SENP6: variants seen among roughly 807,000 people sequenced by gnomAD.
SENP6 encodes sentrin-specific protease 6.
SENP6 carries 41 observed loss-of-function variants against 134.5 expected under a neutral mutation model. The observed-to-expected ratio is 0.30, with a 90% CI of 0.24 to 0.40. The LOEUF (loss-of-function observed/expected upper bound fraction) is 0.40. Among genes scored for constraint, SENP6 ranks in the 10% least tolerant of loss-of-function variants. SENP6 has a pLI of 1.00. For synonymous variants in SENP6, 395 were observed against 429.8 expected (o/e 0.92, Z 1.00); for missense variants, 1,248 against 1,312.5 (o/e 0.95, Z 0.76).
intron 7 of SENP6, chr6:75,654,875 T>C (rs1172205779): frequency 6.6e-6 from 1 of 152,224 alleles, no homozygotes; most frequent in East Asian, 1.9e-4. Context: ...ATGTGGTAGA[T>C]AGATATAATT....
At chr6:75,602,776 C>T (rs1165387115) in intron 1 of SENP6, among the ~76,000 whole-genome samples, 200 bp downstream of exon 1, 3 of 152,230 alleles carry the variant, frequency 2.0e-5, no homozygotes, top group South Asian at 2.1e-4. Context: ...GGCTGCGAGC[C>T]GGTTCGGCCC....
At position 75,666,955 on chromosome 6, in the gene SENP6, T is replaced by C; in HGVS notation, c.1224+14T>C. The C allele has an allele frequency of 4.5e-6, 7 of 1,555,580 alleles. No homozygotes were observed. The highest frequency in any genetic ancestry group is 6.2e-6 in the Non-Finnish European group (7 of 1,133,698). The stretch of plus-strand genomic sequence containing the variant: ...ATGAAAGACCAGGTACTTTTCACTT[T>C]TGTTGACATTTGTTCAGATTAATGC... On this transcript the variant is annotated intron_variant, in intron 10 of 23. Coordinates refer to ENST00000447266, the MANE Select transcript of SENP6 (RefSeq NM_015571.4).
chr6:75,654,744 A>C (rs916660442), intron 7 of SENP6, among the ~76,000 whole-genome samples: 1 of 152,216 alleles, frequency 6.6e-6, no homozygotes, highest in African/African-American at 2.4e-5. Flanking sequence ...TAGTAGTATC[A>C]CAACTAAAAT....
chr6:75,707,284 A>G (rs566797379), intron 19 of SENP6, among the ~76,000 whole-genome samples: 2 of 152,118 alleles, frequency 1.3e-5, no homozygotes, highest in East Asian at 1.9e-4. Flanking sequence ...TTAGCTTTAA[A>G]CAGACTTAAA....
intron 8 of SENP6, among the ~76,000 whole-genome samples, chr6:75,662,199 G>A (rs1771831763): frequency 6.6e-6 from 1 of 152,194 alleles, no homozygotes; most frequent in South Asian, 2.1e-4. Context: ...CTTGCAGATA[G>A]TATGTGATAT....
intron 8 of SENP6, among the ~76,000 whole-genome samples, 197 bp from the exon 9 acceptor site, chr6:75,663,024 T>C (rs563944132): frequency 3.9e-5 from 6 of 152,316 alleles, no homozygotes; most frequent in Admixed American, 3.9e-4. Context: ...GTAGCCATGA[T>C]GGTAATGATG....
chr6:75,666,338 A>T (rs1278482371), intron 9 of SENP6, among the ~76,000 whole-genome samples: 3 of 149,336 alleles, frequency 2.0e-5, no homozygotes, highest in African/African-American at 7.3e-5. Flanking sequence ...TATTTTGTGA[A>T]CAAGTTGTAT....
At chr6:75,612,873 G>A (rs986763791) in intron 1 of SENP6, among the ~76,000 whole-genome samples, 3 of 152,050 alleles carry the variant, frequency 2.0e-5, no homozygotes, top group Non-Finnish European at 4.4e-5. Flanking sequence ...TAGCACTTTG[G>A]GAGGCCAAAA....
chr6:75,645,380 C>A (rs903691617), intron 6 of SENP6, among the ~76,000 whole-genome samples: 6 of 152,280 alleles, frequency 3.9e-5, no homozygotes, highest in African/African-American at 7.2e-5. Flanking sequence ...CTTTGGGAGG[C>A]CGAGGCAGGC....
intron 9 of SENP6, among the ~76,000 whole-genome samples, chr6:75,664,740 A>G (rs1311398229): frequency 1.3e-5 from 2 of 152,212 alleles, no homozygotes; most frequent in African/African-American, 4.8e-5. Context: ...GGACATGTAC[A>G]TTACTCAGTA....
intron 16 of SENP6, among the ~76,000 whole-genome samples, chr6:75,693,431 A>C (rs927425472): frequency 1.4e-5 from 2 of 147,730 alleles, no homozygotes; most frequent in East Asian, 3.9e-4. Flanking sequence ...AAAAAAAAAC[A>C]CCAAAGTAGC....
intron 1 of SENP6, chr6:75,611,762 T>G (rs1456777784): frequency 6.6e-6 from 1 of 152,256 alleles, no homozygotes; most frequent in Non-Finnish European, 1.5e-5. Context: ...GTATCATTGC[T>G]AGACTTTTTC....
chr6:75,654,900 CTTGTT>C (rs1771191964), intron 7 of SENP6: 1 of 152,094 alleles, frequency 6.6e-6, no homozygotes, highest in African/African-American at 2.4e-5. Flanking sequence ...CTTTTCTGTT[CTTGTT>C]TTATGACATG....
chr6:75,633,740 A>T lies in SENP6; in HGVS notation c.353+14A>T. 6.3e-7 allele frequency: 1 copy of T among 1,586,784 alleles called. No homozygotes were observed. On this transcript the variant is annotated intron_variant, in intron 4 of 23. Transcript: ENST00000447266. Reference sequence around the variant, plus strand: ...TAAGAAATTGAGGTATAGGCACTTCACCACACATTCCTACAGAAAAGATAA... The same window carrying T: ...TAAGAAATTGAGGTATAGGCACTTCTCCACACATTCCTACAGAAAAGATAA...
intron 8 of SENP6, among the ~76,000 whole-genome samples, chr6:75,660,175 T>C (rs749402500): frequency 2.0e-5 from 3 of 152,174 alleles, no homozygotes; most frequent in Non-Finnish European, 4.4e-5. Context: ...TGTCTGATGT[T>C]TGTAAATGAT....
In SENP6 at chr6:75,666,708, T is replaced by C. The variant is rs771272870; in HGVS notation, c.995-4T>C. ...TAAATTATAAATTATTAAAATACTT[T>C]TAGTCATTTTGTCCAGTGATGATGA... On this transcript the variant is annotated splice_polypyrimidine_tract_variant and splice_region_variant and intron_variant, in intron 9 of 23. Coordinates refer to ENST00000447266, the MANE Select transcript of SENP6 (RefSeq NM_015571.4). The C allele has an allele frequency of 3.0e-6, 4 of 1,348,192 alleles. No homozygotes were observed. In the East Asian group the frequency reaches 7.6e-5, roughly 25 times the overall value. The allele number at this position is 1,348,192 out of a possible 1,614,324, so 83.5% of individuals were successfully genotyped here.
Position 75,687,184 on chromosome 6 carries a change from G to T in SENP6, c.2075+8257G>T, listed in dbSNP as rs181266438. ...CTGATACTCTTTCTTCCTCTTGATC[G>T]AATTGGCTATTGAAGCTTGTGCATG... On this transcript the variant is annotated intron_variant, in intron 16 of 23. Transcript: ENST00000447266. Among the ~76,000 whole-genome samples, 9 of 151,874 alleles carry T rather than the reference G, an allele frequency of 5.9e-5. No homozygotes were observed. The East Asian group carries it at 1.7e-3, about 29-fold the overall frequency.
chr6:75,710,395 T>G (rs1775684493), intron 20 of SENP6, among the ~76,000 whole-genome samples: 1 of 152,190 alleles, frequency 6.6e-6, no homozygotes, highest in African/African-American at 2.4e-5. Flanking sequence ...GAGAAAAGTT[T>G]ATAAGAATCC....
chr6:75,621,469 A>T, intron 1 of SENP6, 63 bp from the exon 2 acceptor site: 2 of 969,626 alleles, frequency 2.1e-6, no homozygotes, highest in South Asian at 3.1e-5. Flanking sequence ...GGAAATGCAC[A>T]TATTTGTTTT....
Sources: allele counts gnomAD v4.1 joint callset (sites outside exome capture counted in the v4.1 genomes callset), GRCh38; gene constraint gnomAD v4.1.1; transcripts MANE v1.5; gene names NCBI Gene and HGNC (gene_info 2026-07-23, HGNC 2026-07-21).